LRRC7: variants seen among roughly 807,000 people sequenced by gnomAD.
The protein encoded by LRRC7 is leucine rich repeat containing 7, also known as leucine-rich repeat-containing protein 7.
A neutral mutation model predicts 175.7 loss-of-function variants in LRRC7; 23 were observed. The observed-to-expected ratio is 0.13, with a 90% CI of 0.09 to 0.19. The LOEUF (loss-of-function observed/expected upper bound fraction) is 0.19, where lower values mean the gene tolerates loss of function less well. Ranked by LOEUF, LRRC7 falls within the 10% of genes least tolerant of loss-of-function variation. The pLI, the probability that LRRC7 is intolerant of heterozygous loss-of-function variation, is 1.00. For missense variants in LRRC7, 1,354 were observed against 1,904.7 expected (o/e 0.71, Z 5.38); for synonymous variants, 685 against 680.9 (o/e 1.01, Z -0.09).
At chr1:69,948,616 A>G (rs1318406554) in intron 8 of LRRC7, among the ~76,000 whole-genome samples, 1 of 152,094 alleles carries the variant, frequency 6.6e-6, no homozygotes, top group Non-Finnish European at 1.5e-5. Flanking sequence ...CCTTCTTTAT[A>G]TGACCAATTC....
intron 1 of LRRC7, among the ~76,000 whole-genome samples, chr1:69,631,612 A>T (rs1360716859): frequency 6.6e-6 from 1 of 152,052 alleles, no homozygotes; most frequent in East Asian, 1.9e-4. Context: ...GCCCCATGAG[A>T]GCTTTTTTGG....
At chr1:69,952,131 GT>G (rs1239722633) in intron 8 of LRRC7, among the ~76,000 whole-genome samples, 1 of 151,690 alleles carries the variant, frequency 6.6e-6, no homozygotes, top group African/African-American at 2.4e-5. Context: ...ATACATAAAA[GT>G]TTTACAAAGT....
Position 70,073,422 on chromosome 1 carries a change from G to C in LRRC7, c.4231-2655G>C, listed in dbSNP as rs554351489. On this transcript the variant is annotated intron_variant, in intron 23 of 26. Transcript: ENST00000651989. ...GCTGTGATCACACCACTGTACTCCA[G>C]CCCGGGCGACAGAGTAAGACTCTGT... 1.2e-4 allele frequency among the ~76,000 whole-genome samples: 18 copies of C among 152,206 alleles called. No homozygotes were observed. In the South Asian group the frequency reaches 3.5e-3, roughly 30 times the overall value.
intron 8 of LRRC7, among the ~76,000 whole-genome samples, chr1:69,940,437 G>A (rs1037092035): frequency 1.3e-5 from 2 of 152,154 alleles, no homozygotes; most frequent in South Asian, 2.1e-4. Flanking sequence ...TCCATAAATG[G>A]ATTTTTCTGA....
chr1:70,072,508 T>A (rs1238072440), intron 23 of LRRC7, among the ~76,000 whole-genome samples: 1 of 152,234 alleles, frequency 6.6e-6, no homozygotes, highest in Non-Finnish European at 1.5e-5. Context: ...AATTGTGTAA[T>A]TCTTTGCTTT....
chr1:69,968,798 G>GT (rs924881078), intron 8 of LRRC7, among the ~76,000 whole-genome samples: 7 of 151,510 alleles, frequency 4.6e-5, no homozygotes, highest in African/African-American at 1.7e-4. Flanking sequence ...TCTTTGTGGG[G>GT]TTTTTTTGTT....
chr1:69,852,995 A>G (rs772126803), intron 7 of LRRC7, among the ~76,000 whole-genome samples: 133 of 152,296 alleles, frequency 8.7e-4, no homozygotes, highest in Non-Finnish European at 1.3e-3. Flanking sequence ...GGTAGCTTTT[A>G]CCAAAGCTTC....
chr1:70,073,705 T>C (rs1662560136), intron 23 of LRRC7, among the ~76,000 whole-genome samples: 1 of 152,214 alleles, frequency 6.6e-6, no homozygotes, highest in Admixed American at 6.5e-5. Flanking sequence ...AACTGCCAGT[T>C]GTCACTTCCG....
At chr1:69,836,235 T>C (rs577240598) in intron 6 of LRRC7, among the ~76,000 whole-genome samples, 1 of 152,116 alleles carries the variant, frequency 6.6e-6, no homozygotes, top group African/African-American at 2.4e-5. Flanking sequence ...CCCTTACTTT[T>C]GCAGATCACG....
At chr1:69,843,217 A>C (rs75810331) in intron 7 of LRRC7, among the ~76,000 whole-genome samples, 2,804 of 152,018 alleles carry the variant, frequency 0.018, 77 homozygotes, top group African/African-American at 0.061. Context: ...ACAACAACAA[A>C]AAAAAAACCT....
At chr1:69,812,021 A>G (rs2101147164) in intron 4 of LRRC7, among the ~76,000 whole-genome samples, 1 of 152,304 alleles carries the variant, frequency 6.6e-6, no homozygotes, top group East Asian at 1.9e-4. Flanking sequence ...CCTGAGCATA[A>G]CACTCAAAAA....
Position 70,143,063 on chromosome 1 carries a change from A to G in LRRC7, c.*21176A>G, listed in dbSNP as rs758360559. 1.3e-5 allele frequency: 2 copies of G among 152,154 alleles called. No homozygotes were observed. Among genetic ancestry groups the G allele is most frequent in the East Asian group, 3.8e-4 (2 of 5,206 alleles). The allele number at this position is 152,154 out of a possible 1,614,324, so 9.4% of individuals were successfully genotyped here. A position where few individuals can be genotyped will look rare whatever the true frequency, so the allele number is the denominator to read the frequency against. ...TTTCCCATATGCCAAACACACACAC[A>G]TAAATTTTCTTTTTCTCATTTCAGC... is the stretch of plus-strand genomic sequence containing the variant. On this transcript the variant is annotated 3_prime_UTR_variant, in exon 27 of 27. Transcript: ENST00000651989.
Position 70,076,141 on chromosome 1 carries a change from A to G in LRRC7, c.4295A>G (p.Gln1432Arg), listed in dbSNP as rs1433750721. The G allele has an allele frequency of 1.1e-5, 18 of 1,614,090 alleles. No individual in the cohort carries two copies. Among genetic ancestry groups the G allele is most frequent in the Non-Finnish European group, 1.5e-5 (18 of 1,179,982 alleles). The stretch of plus-strand genomic sequence containing the variant: ...CTTCAGCATCGCAGCCGGGAGCAGC[A>G]GCCGTATGAAGGAAATATAAACAAA... ...QSLQHRSREQ[Q>R]PYEGNINKVT... Residue 1432 changes from glutamine to arginine, a missense_variant, in exon 24 of 27, where the codon CAG (glutamine) becomes CGG (arginine). Gln to Arg is a conservative substitution (Grantham distance 43). Coordinates refer to ENST00000651989, the MANE Select transcript of LRRC7 (RefSeq NM_001370785.2).
intron 2 of LRRC7, among the ~76,000 whole-genome samples, chr1:69,726,021 A>C (rs12060163): frequency 0.12 from 18,176 of 152,250 alleles, 2,639 homozygotes; most frequent in African/African-American, 0.35. Flanking sequence ...TAAAGCTATA[A>C]CCATTAACCT....
intron 2 of LRRC7, among the ~76,000 whole-genome samples, chr1:69,711,551 C>G (rs1358034855): frequency 1.3e-5 from 2 of 152,108 alleles, no homozygotes; most frequent in Non-Finnish European, 2.9e-5. Flanking sequence ...CCCACTGCAC[C>G]CTCTGGATTC....
At chr1:69,744,259 A>G (rs997862361) in intron 2 of LRRC7, among the ~76,000 whole-genome samples, 4 of 151,972 alleles carry the variant, frequency 2.6e-5, no homozygotes, top group East Asian at 1.9e-4. Flanking sequence ...CAACTGCAAT[A>G]CACACGTATA....
chr1:69,738,327 G>A (rs1668343052), intron 2 of LRRC7, among the ~76,000 whole-genome samples: 1 of 151,996 alleles, frequency 6.6e-6, no homozygotes, highest in Admixed American at 6.6e-5. Flanking sequence ...ATAAGCCATG[G>A]TCTTGCCTTC....
At chr1:70,080,868 C>T (rs1464378919) in intron 24 of LRRC7, among the ~76,000 whole-genome samples, 1 of 152,136 alleles carries the variant, frequency 6.6e-6, no homozygotes, top group Non-Finnish European at 1.5e-5. Context: ...GGTTTGACTC[C>T]CATTCCACAT....
At chr1:69,717,849 GAAAGGAAA>G (rs1175136975) in intron 2 of LRRC7, among the ~76,000 whole-genome samples, 2 of 31,508 alleles carry the variant, frequency 6.3e-5, no homozygotes, top group Non-Finnish European at 1.1e-4. Context: ...AAAAAAGAAA[GAAAGGAAA>G]GAAAGAAAGA....
Sources: gnomAD v4.1 joint callset for allele counts (sites outside exome capture counted in the v4.1 genomes callset) on GRCh38, gnomAD v4.1.1 for gene constraint, MANE v1.5 for transcripts, NCBI Gene and HGNC (gene_info 2026-07-23, HGNC 2026-07-21) for gene names.